Variants in ACOT11 observed in about 807,000 individuals in gnomAD.
ACOT11 encodes the protein acyl-coenzyme A thioesterase 11.
Under a neutral mutation model 77.5 loss-of-function variants are expected in ACOT11, and 69 were observed. The ratio of observed to expected loss-of-function variants is 0.89; its 90% confidence interval spans 0.73 to 1.09. The LOEUF (loss-of-function observed/expected upper bound fraction) is 1.09, where lower values mean the gene tolerates loss of function less well. Ranked by LOEUF, ACOT11 falls within the 50% of genes least tolerant of loss-of-function variation. The probability of loss-of-function intolerance (pLI) is 0.00; values close to 1 mark genes in which losing one functional copy is unlikely to be tolerated. For synonymous variants in ACOT11, 279 were observed against 313.0 expected (o/e 0.89, Z 1.15); for missense variants, 766 against 813.7 (o/e 0.94, Z 0.71).
Position 54,594,666 on chromosome 1 carries a change from C to T in ACOT11, c.582C>T (p.Leu194=), listed in dbSNP as rs1296055205. 1.2e-6 allele frequency: 2 copies of T among 1,613,620 alleles called. No individual in the cohort carries two copies. The highest frequency in any genetic ancestry group is 1.7e-6 in the Non-Finnish European group (2 of 1,179,780). ...RLVYADTIKD[L]LANCAIQGDL... ...TCTATGCAGACACCATCAAGGACCTCCTGGCCAACTGCGCCATTCAGGGCG... is the reference window on the plus strand; with the variant it reads ...TCTATGCAGACACCATCAAGGACCTTCTGGCCAACTGCGCCATTCAGGGCG... Residue 194 remains leucine (L), a synonymous_variant, in exon 6 of 16, where the codon CTC becomes CTT. Transcript: ENST00000343744.
At chr1:54,595,867 G>A (rs1381098665) in intron 6 of ACOT11, among the ~76,000 whole-genome samples, 6 of 152,194 alleles carry the variant, frequency 3.9e-5, no homozygotes, top group Non-Finnish European at 8.8e-5. Flanking sequence ...GGCGATCTTA[G>A]AAGAAAATCT....
intron 1 of ACOT11, among the ~76,000 whole-genome samples, chr1:54,557,745 T>C (rs1475692936): frequency 6.6e-6 from 1 of 152,220 alleles, no homozygotes; most frequent in Non-Finnish European, 1.5e-5. Flanking sequence ...GCAACTTTAC[T>C]GAATTTATTA....
At chr1:54,585,350 C>T (rs1412492222) in intron 2 of ACOT11, among the ~76,000 whole-genome samples, 1 of 152,174 alleles carries the variant, frequency 6.6e-6, no homozygotes, top group Non-Finnish European at 1.5e-5. Context: ...GGCCCTGACC[C>T]AGGCCTGGGG....
intron 1 of ACOT11, among the ~76,000 whole-genome samples, chr1:54,553,424 C>T (rs1320084162): frequency 4.0e-5 from 6 of 150,846 alleles, no homozygotes; most frequent in African/African-American, 7.3e-5. Context: ...GCCGAGATCG[C>T]GCCACTGCAC....
chr1:54,579,130 T>G (rs1654212885), intron 1 of ACOT11, among the ~76,000 whole-genome samples: 1 of 152,252 alleles, frequency 6.6e-6, no homozygotes, highest in African/African-American at 2.4e-5. Context: ...ATCAGAAGCC[T>G]GAGGAACAGC....
At chr1:54,620,063 A>C in intron 15 of ACOT11, 13 of 1,576,482 alleles carry the variant, frequency 8.2e-6, no homozygotes, top group African/African-American at 1.3e-5. Context: ...CCCAAGACTC[A>C]TGTTCGTTCA....
chr1:54,569,722 A>C (rs300277), intron 1 of ACOT11, among the ~76,000 whole-genome samples: 1 of 152,074 alleles, frequency 6.6e-6, no homozygotes, highest in Non-Finnish European at 1.5e-5. Flanking sequence ...CTGTTTTCCC[A>C]TAAACAACTA....
downstream of ACOT11, chr1:54,610,896 C>T (rs763082507): frequency 4.9e-4 from 481 of 985,122 alleles, no homozygotes; most frequent in Non-Finnish European, 5.6e-4. Context: ...CTTCTGGGTT[C>T]GGGGTCAAGG....
intron 4 of ACOT11, among the ~76,000 whole-genome samples, chr1:54,593,106 T>G (rs916663957): frequency 2.0e-5 from 3 of 152,040 alleles, no homozygotes; most frequent in African/African-American, 7.2e-5. Flanking sequence ...CTGTGAGCTG[T>G]GGGGGAGGGC....
At chr1:54,580,024 T>C (rs4927141) in intron 1 of ACOT11, among the ~76,000 whole-genome samples, 4,921 of 152,308 alleles carry the variant, frequency 0.032, 154 homozygotes, top group East Asian at 0.16. Context: ...CCACAGGGTA[T>C]ATGTGTGCCA....
chr1:54,582,646 A>C (rs1250569044), intron 1 of ACOT11: 1 of 443,568 alleles, frequency 2.3e-6, no homozygotes, highest in Non-Finnish European at 3.0e-6. Flanking sequence ...CTGCTGGTCC[A>C]GGACTGTGCC....
At chr1:54,566,836 C>A (rs1209998856) in intron 1 of ACOT11, among the ~76,000 whole-genome samples, 6 of 152,178 alleles carry the variant, frequency 3.9e-5, no homozygotes, top group African/African-American at 1.4e-4. Context: ...GTTAGATTTT[C>A]TACCTGGCAG....
intron 15 of ACOT11, chr1:54,621,512 G>A (rs953062491): frequency 4.6e-5 from 7 of 152,196 alleles, no homozygotes; most frequent in Admixed American, 2.0e-4. Flanking sequence ...TTGGAAGAAC[G>A]TTGGGATCAG....
intron 15 of ACOT11, among the ~76,000 whole-genome samples, chr1:54,621,029 C>T (rs931622655): frequency 2.0e-5 from 3 of 151,408 alleles, no homozygotes; most frequent in Non-Finnish European, 4.4e-5. Context: ...GGTTTAGTGG[C>T]ATGCGCCTGT....
In ACOT11 at chr1:54,566,361, G is replaced by A. The variant is rs1204788060; in HGVS notation, c.33+18019G>A. On this transcript the variant is annotated intron_variant, in intron 1 of 15. Transcript: ENST00000343744. The stretch of plus-strand genomic sequence containing the variant: ...AATCCCAGCTACTTGGGTGGCTGAG[G>A]CACGAGAATCGCTAGAACCCGGGAG... Among the ~76,000 whole-genome samples, 3 of 151,642 alleles carry A rather than the reference G, an allele frequency of 2.0e-5. No individual in the cohort carries two copies. In the East Asian group the frequency reaches 5.8e-4, roughly 29 times the overall value.
In ACOT11 at chr1:54,610,108, T is replaced by A; in HGVS notation, c.*996T>A. On this transcript the variant is annotated 3_prime_UTR_variant, in exon 16 of 16. Transcript: ENST00000343744. ...CCAGGTGGATGGGTTGCTTTATAAA[T>A]GTGCCTGGTGCATGAGAAACTCTTG... 41 of 1,433,874 alleles carry A rather than the reference T, an allele frequency of 2.9e-5. No individual in the cohort carries two copies. The South Asian group carries it at 6.0e-4, about 21-fold the overall frequency. The allele number at this position is 1,433,874 out of a possible 1,614,324, so 88.8% of individuals were successfully genotyped here. A position where few individuals can be genotyped will look rare whatever the true frequency, so the allele number is the denominator to read the frequency against.
chr1:54,595,826 C>A (rs1454939967), intron 6 of ACOT11, among the ~76,000 whole-genome samples: 1 of 152,164 alleles, frequency 6.6e-6, no homozygotes, highest in Non-Finnish European at 1.5e-5. Context: ...CCAGAATGTT[C>A]AAATTTGAGT....
chr1:54,625,950 A>AAAAG (rs1371964461), intron 15 of ACOT11, among the ~76,000 whole-genome samples: 1 of 148,330 alleles, frequency 6.7e-6, no homozygotes, highest in African/African-American at 2.5e-5. Flanking sequence ...AAAAAAAAAA[A>AAAAG]AAAGAAAGAA....
intron 1 of ACOT11, among the ~76,000 whole-genome samples, chr1:54,581,193 A>G (rs1423117520): frequency 6.6e-6 from 1 of 152,162 alleles, no homozygotes; most frequent in Non-Finnish European, 1.5e-5. Context: ...GCTTTTTGGA[A>G]AGATCCCTCT....
Sources: gnomAD v4.1 joint callset for allele counts (sites outside exome capture counted in the v4.1 genomes callset) on GRCh38, gnomAD v4.1.1 for gene constraint, MANE v1.5 for transcripts, NCBI Gene and HGNC (gene_info 2026-07-23, HGNC 2026-07-21) for gene names.